KCNU1: variants seen among roughly 807,000 people sequenced by gnomAD.
The protein encoded by KCNU1 is potassium channel subfamily U member 1.
A neutral mutation model predicts 126.8 loss-of-function variants in KCNU1; 93 were observed. That is an observed-to-expected ratio of 0.73 (90% CI 0.62 to 0.87). KCNU1 has a LOEUF of 0.87. Among genes scored for constraint, KCNU1 ranks in the 40% least tolerant of loss-of-function variants. The probability of loss-of-function intolerance (pLI) is 0.00; values close to 1 mark genes in which losing one functional copy is unlikely to be tolerated. For synonymous variants in KCNU1, 523 were observed against 494.2 expected, an observed-to-expected ratio of 1.06 and a Z score of -0.77; for missense variants, 1,330 against 1,367.1, an observed-to-expected ratio of 0.97 and a Z score of 0.43.
intron 19 of KCNU1, among the ~76,000 whole-genome samples, chr8:36,888,097 A>G (rs151104129): frequency 9.4e-4 from 143 of 152,178 alleles, no homozygotes; most frequent in African/African-American, 3.0e-3. Context: ...TTTTATTTTT[A>G]TTTTATAGAG....
chr8:36,903,479 A>G (rs1191564726), intron 19 of KCNU1, among the ~76,000 whole-genome samples: 2 of 152,200 alleles, frequency 1.3e-5, no homozygotes, highest in Non-Finnish European at 2.9e-5. Flanking sequence ...ACAGTACAGT[A>G]TATTCCAAAA....
chr8:36,912,630 G>T (rs1481619731), intron 22 of KCNU1, among the ~76,000 whole-genome samples: 1 of 152,140 alleles, frequency 6.6e-6, no homozygotes, highest in Non-Finnish European at 1.5e-5. Context: ...GTGTGCATGT[G>T]CATGCTTGTA....
chr8:36,907,946 G>C (rs1034434466), intron 20 of KCNU1, among the ~76,000 whole-genome samples: 2 of 151,982 alleles, frequency 1.3e-5, no homozygotes, highest in Admixed American at 1.3e-4. Context: ...TAAACATTTT[G>C]AATATATTAT....
intron 19 of KCNU1, among the ~76,000 whole-genome samples, chr8:36,880,924 G>T (rs1189674131): frequency 2.0e-5 from 3 of 152,124 alleles, no homozygotes; most frequent in South Asian, 2.1e-4. Flanking sequence ...ACATCCTGTT[G>T]TTGGGCTTGG....
At chr8:36,790,997 G>A (rs1414355858) in intron 2 of KCNU1, among the ~76,000 whole-genome samples, 2 of 128,296 alleles carry the variant, frequency 1.6e-5, no homozygotes, top group Non-Finnish European at 3.1e-5. Context: ...ATAGGAAGAT[G>A]GAAAAAAAAA....
At chr8:36,790,499 C>A (rs1802865728) in intron 2 of KCNU1, among the ~76,000 whole-genome samples, 1 of 150,762 alleles carries the variant, frequency 6.6e-6, no homozygotes, top group African/African-American at 2.4e-5. Flanking sequence ...GGAAAAAGTA[C>A]AACTATATGA....
intron 19 of KCNU1, among the ~76,000 whole-genome samples, chr8:36,877,643 T>C (rs942657179): frequency 6.6e-6 from 1 of 152,184 alleles, no homozygotes; most frequent in Non-Finnish European, 1.5e-5. Context: ...ATCAAGCTAC[T>C]GTCTTCTCTT....
chr8:36,805,666 G>A (rs1239313170), intron 4 of KCNU1, among the ~76,000 whole-genome samples: 4 of 151,884 alleles, frequency 2.6e-5, no homozygotes, highest in Non-Finnish European at 4.4e-5. Flanking sequence ...AAATAACTTT[G>A]TATCTTTGTT....
Position 36,810,396 on chromosome 8 carries a change from G to T in KCNU1, c.732+1603G>T, listed in dbSNP as rs796832191. Among the ~76,000 whole-genome samples the T allele has an allele frequency of 1.6e-4, 25 of 152,224 alleles. 1 individual carries two copies. Among genetic ancestry groups the T allele is most frequent in the African/African-American group, 5.5e-4 (23 of 41,534 alleles). ...AAGGATGTGAGCATGTTTCCCTGCT[G>T]GACATCTGGTCTCCCAGGAAAGGAG... On this transcript the variant is annotated intron_variant, in intron 7 of 26. Coordinates refer to ENST00000399881, the MANE Select transcript of KCNU1 (RefSeq NM_001031836.3).
chr8:36,845,949 G>C, intron 18 of KCNU1, 50 bp downstream of exon 18: 1 of 1,104,312 alleles, frequency 9.1e-7, no homozygotes, highest in Admixed American at 2.0e-5. Context: ...CTAGGGAGCT[G>C]CCTGACGAAA....
At chr8:36,808,590 G>A in intron 6 of KCNU1, 128 bp from the exon 7 acceptor site, 4 of 644,160 alleles carry the variant, frequency 6.2e-6, no homozygotes, top group Non-Finnish European at 1.1e-5. Flanking sequence ...TTTCGAATAT[G>A]TTTTCGGGTA....
chr8:36,885,508 C>T (rs1455779056), intron 19 of KCNU1, among the ~76,000 whole-genome samples: 1 of 151,954 alleles, frequency 6.6e-6, no homozygotes, highest in Non-Finnish European at 1.5e-5. Flanking sequence ...TGTGTGAGAT[C>T]GCACCACTGC....
At chr8:36,811,659 C>T (rs978628574) in intron 7 of KCNU1, among the ~76,000 whole-genome samples, 6 of 152,212 alleles carry the variant, frequency 3.9e-5, no homozygotes, top group South Asian at 2.1e-4. Flanking sequence ...TGGCTGGGCA[C>T]GGTGGCTCAC....
chr8:36,882,858 C>T (rs182532820), intron 19 of KCNU1, among the ~76,000 whole-genome samples: 11 of 152,304 alleles, frequency 7.2e-5, no homozygotes, highest in Non-Finnish European at 1.5e-4. Flanking sequence ...GCTGGGATTA[C>T]AGGCGTGAGC....
At position 36,787,414 on chromosome 8, in the gene KCNU1, G is replaced by A. The variant is rs10087720; in HGVS notation, c.304G>A (p.Gly102Arg). 1 of 1,609,252 alleles carries A rather than the reference G, an allele frequency of 6.2e-7. No individual in the cohort carries two copies. The highest frequency in any genetic ancestry group is 2.2e-5 in the East Asian group (1 of 44,756). Residue 102 changes from glycine (G) to arginine (R), a missense_variant, in exon 2 of 27, where the codon GGG becomes AGG. By Grantham distance (125) the Gly-to-Arg change is moderately radical. This residue lies in a region of KCNU1 where 247 missense variants were observed against 255.4 expected (regional missense o/e 0.97). Coordinates refer to ENST00000399881, the MANE Select transcript of KCNU1 (RefSeq NM_001031836.3). ...EMLLSAQTFV[G>R]QVLVILVFVL... ...GTTGCTTTCAGCCCAGACCTTTGTG[G>A]GGCAAGTGTTGGTAAGTACATTTTC...
At chr8:36,907,137 A>AAGGAATT (rs1270009251) in intron 20 of KCNU1, among the ~76,000 whole-genome samples, 1 of 152,140 alleles carries the variant, frequency 6.6e-6, no homozygotes, top group East Asian at 1.9e-4. Flanking sequence ...TAAAATTGCT[A>AAGGAATT]AGGAATTTGA....
intron 22 of KCNU1, among the ~76,000 whole-genome samples, chr8:36,912,742 T>TG (rs1171101418): frequency 6.6e-6 from 1 of 151,084 alleles, no homozygotes; most frequent in Non-Finnish European, 1.5e-5. Flanking sequence ...GAGGCCGAGG[T>TG]GGGGGGATCA....
intron 12 of KCNU1, among the ~76,000 whole-genome samples, chr8:36,835,741 A>G (rs1171105755): frequency 6.6e-6 from 1 of 152,204 alleles, no homozygotes; most frequent in Non-Finnish European, 1.5e-5. Flanking sequence ...TGTGATTATG[A>G]TGACAATGGC....
At chr8:36,888,871 T>C (rs1806832172) in intron 19 of KCNU1, 1 of 440,828 alleles carries the variant, frequency 2.3e-6, no homozygotes, top group Non-Finnish European at 4.6e-6. Flanking sequence ...TTTTAAAAAC[T>C]ACTAGTTCCA....
Sources: gnomAD v4.1 joint callset for allele counts (sites outside exome capture counted in the v4.1 genomes callset) on GRCh38, gnomAD v4.1.1 for gene constraint, gnomAD v4.1.1 regional missense constraint, MANE v1.5 for transcripts, NCBI Gene and HGNC (gene_info 2026-07-23, HGNC 2026-07-21) for gene names.